The following STRBP variants were observed in gnomAD, a reference collection of about 807,000 sequenced individuals.
STRBP encodes the protein spermatid perinuclear RNA-binding protein.
In STRBP, 13 loss-of-function variants were observed where a neutral mutation model predicts 80.1. The observed-to-expected ratio is 0.16, with a 90% CI of 0.11 to 0.26. STRBP has a LOEUF of 0.26. Among genes scored for constraint, STRBP ranks in the 10% least tolerant of loss-of-function variants. The pLI is 1.00. For synonymous variants in STRBP, 284 were observed against 291.2 expected (o/e 0.98, Z 0.25); for missense variants, 485 against 815.2 (o/e 0.59, Z 4.93).
intron 2 of STRBP, among the ~76,000 whole-genome samples, chr9:123,196,193 C>T (rs577549998): frequency 2.0e-5 from 3 of 152,172 alleles, no homozygotes; most frequent in Non-Finnish European, 2.9e-5. Context: ...GGAAATTAGA[C>T]CCCTATCTTT....
chr9:123,268,287 G>T, intron 1 of STRBP, 149 bp downstream of exon 1: 1 of 151,820 alleles, frequency 6.6e-6, no homozygotes, highest in South Asian at 1.8e-4. Context: ...TCTCCGCCTC[G>T]GCCGCCACCG....
At chr9:123,155,031 T>C (rs780511372) in intron 11 of STRBP, among the ~76,000 whole-genome samples, 12 of 152,110 alleles carry the variant, frequency 7.9e-5, no homozygotes, top group African/African-American at 2.4e-4. Flanking sequence ...ATAATGTCCA[T>C]TGGTAGGCAA....
chr9:123,180,760 G>A (rs1459012723), intron 3 of STRBP: 1 of 231,528 alleles, frequency 4.3e-6, no homozygotes, highest in Non-Finnish European at 7.1e-6. Context: ...CAAATATCAC[G>A]AAGACACTTA....
At chr9:123,250,858 C>T (rs1043848320) in intron 1 of STRBP, among the ~76,000 whole-genome samples, 1 of 152,170 alleles carries the variant, frequency 6.6e-6, no homozygotes, top group Non-Finnish European at 1.5e-5. Flanking sequence ...TGGCTCACAC[C>T]TATAATCCCA....
intron 2 of STRBP, among the ~76,000 whole-genome samples, chr9:123,203,632 T>C (rs2039408736): frequency 6.6e-6 from 1 of 152,156 alleles, no homozygotes; most frequent in Non-Finnish European, 1.5e-5. Context: ...CTTAGGTGTC[T>C]GCTCAAATGT....
intron 13 of STRBP, among the ~76,000 whole-genome samples, chr9:123,140,286 C>T (rs1264951674): frequency 6.6e-6 from 1 of 152,190 alleles, no homozygotes; most frequent in African/African-American, 2.4e-5. Flanking sequence ...ACATAGACCA[C>T]AATCAAAACT....
intron 1 of STRBP, among the ~76,000 whole-genome samples, chr9:123,238,452 G>A (rs565871913): frequency 2.0e-5 from 3 of 152,270 alleles, no homozygotes; most frequent in East Asian, 1.9e-4. Context: ...CAAACTAAGC[G>A]CCATCCAACT....
At chr9:123,209,514 C>T (rs2039635663) in intron 2 of STRBP, among the ~76,000 whole-genome samples, 2 of 152,226 alleles carry the variant, frequency 1.3e-5, no homozygotes, top group South Asian at 2.1e-4. Flanking sequence ...TTTTGTGATG[C>T]CTACAATCAT....
intron 6 of STRBP, among the ~76,000 whole-genome samples, chr9:123,164,782 C>T (rs920985857): frequency 6.6e-6 from 1 of 152,198 alleles, no homozygotes; most frequent in African/African-American, 2.4e-5. Context: ...AGCCCCTTCT[C>T]TCTCAATTCC....
downstream of STRBP, among the ~76,000 whole-genome samples, chr9:123,119,642 A>G (rs2132282337): frequency 6.6e-6 from 1 of 152,170 alleles, no homozygotes; most frequent in South Asian, 2.1e-4. Flanking sequence ...TGAGCAGGCC[A>G]TGCACCTGCC....
chr9:123,125,686 G>C lies in STRBP; in HGVS notation c.1943-13C>G. On this transcript the variant is annotated splice_polypyrimidine_tract_variant and intron_variant, in intron 18 of 18. Coordinates refer to ENST00000348403, the MANE Select transcript of STRBP (RefSeq NM_018387.5). ...CTCTTGGGTAAACCTACAGAGAAAA[G>C]AAACGGAGAGGACTCCAAATAAGTT... 6.3e-7 allele frequency: 1 copy of C among 1,596,634 alleles called. No individual in the cohort carries two copies. The highest frequency in any genetic ancestry group is 1.1e-5 in the South Asian group (1 of 88,730).
chr9:123,177,361 C>T (rs139594853), intron 4 of STRBP, among the ~76,000 whole-genome samples: 7 of 152,194 alleles, frequency 4.6e-5, no homozygotes, highest in Admixed American at 1.3e-4. Flanking sequence ...GTCAGGAATT[C>T]GAGACCAAAT....
intron 3 of STRBP, 65 bp from the exon 4 acceptor site, chr9:123,179,292 ACAAC>A: frequency 7.2e-7 from 1 of 1,397,196 alleles, no homozygotes; most frequent in Non-Finnish European, 9.9e-7. Context: ...AAGATGATAT[ACAAC>A]TATATCTTTA....
Position 123,125,558 on chromosome 9 carries a change from C to A in STRBP, c.*39G>T. ...TTTTTCTCTAACATTCTGTGTTGTA[C>A]TGTATTGTTGTTCAATAGGAATTAG... On this transcript the variant is annotated 3_prime_UTR_variant, in exon 19 of 19. Transcript: ENST00000348403. 2 of 1,602,344 alleles carry A rather than the reference C, an allele frequency of 1.2e-6. No individual in the cohort carries two copies. Among genetic ancestry groups the A allele is most frequent in the African/African-American group, 1.3e-5 (1 of 74,540 alleles).
chr9:123,195,710 T>C (rs920400519), intron 2 of STRBP, among the ~76,000 whole-genome samples: 18 of 152,146 alleles, frequency 1.2e-4, no homozygotes, highest in Non-Finnish European at 2.1e-4. Flanking sequence ...CACAAAAAAA[T>C]TGAAAAGATA....
chr9:123,158,458 T>C (rs751049323), intron 9 of STRBP, 29 bp from the exon 10 acceptor site: 2 of 1,594,304 alleles, frequency 1.3e-6, no homozygotes, highest in Non-Finnish European at 1.7e-6. Flanking sequence ...ACAAGTATCA[T>C]TTAGAACTGA....
chr9:123,140,148 C>A (rs1342073280), intron 13 of STRBP, among the ~76,000 whole-genome samples: 1 of 152,156 alleles, frequency 6.6e-6, no homozygotes. Context: ...ACTGGTTGAC[C>A]TCTAAGTTAT....
intron 1 of STRBP, among the ~76,000 whole-genome samples, chr9:123,258,126 T>C (rs10818797): frequency 0.18 from 26,885 of 152,072 alleles, 3,290 homozygotes; most frequent in East Asian, 0.66. Context: ...ATTAATAAAA[T>C]AGTTCATTCA....
At chr9:123,138,683 A>G (rs2036463167) in intron 14 of STRBP, among the ~76,000 whole-genome samples, 1 of 152,194 alleles carries the variant, frequency 6.6e-6, no homozygotes, top group South Asian at 2.1e-4. Flanking sequence ...AGCTTATCGC[A>G]TTATATTACC....
Sources: allele counts gnomAD v4.1 joint callset (sites outside exome capture counted in the v4.1 genomes callset), GRCh38; gene constraint gnomAD v4.1.1; transcripts MANE v1.5; gene names NCBI Gene and HGNC (gene_info 2026-07-23, HGNC 2026-07-21).